The following RASA1 variants were observed in gnomAD, a reference collection of about 807,000 sequenced individuals.
RASA1 encodes ras GTPase-activating protein 1.
In RASA1, 25 loss-of-function variants were observed where a neutral mutation model predicts 132.2. The observed-to-expected ratio is 0.19, with a 90% CI of 0.14 to 0.26. RASA1 has a LOEUF of 0.26. Among genes scored for constraint, RASA1 ranks in the 10% least tolerant of loss-of-function variants. RASA1 has a pLI of 1.00. For missense variants in RASA1, 964 were observed against 1,299.2 expected (o/e 0.74, Z 3.97); for synonymous variants, 477 against 449.9 (o/e 1.06, Z -0.76).
intron 1 of RASA1, among the ~76,000 whole-genome samples, chr5:87,300,281 GTA>G (rs1279783624): frequency 3.5e-4 from 54 of 152,302 alleles, no homozygotes; most frequent in African/African-American, 1.3e-3. Context: ...GGAGGCTGGG[GTA>G]GGAAGTTCAC....
intron 1 of RASA1, among the ~76,000 whole-genome samples, chr5:87,324,209 C>T (rs1191429643): frequency 6.6e-6 from 1 of 152,126 alleles, no homozygotes; most frequent in East Asian, 1.9e-4. Context: ...ATTTAAAGAA[C>T]ACAGATACAA....
intron 1 of RASA1, among the ~76,000 whole-genome samples, chr5:87,271,541 T>C (rs1753839759): frequency 7.2e-6 from 1 of 138,296 alleles, no homozygotes; most frequent in South Asian, 2.6e-4. Flanking sequence ...TGTTTTCGGC[T>C]CACTGCAAGC....
intron 20 of RASA1, among the ~76,000 whole-genome samples, chr5:87,381,166 T>A (rs537608768): frequency 2.0e-5 from 3 of 152,320 alleles, no homozygotes; most frequent in Admixed American, 2.0e-4. Context: ...TTTGGGAGCT[T>A]ACGTAAGGTT....
At chr5:87,351,324 A>C (rs1759259412) in intron 8 of RASA1, among the ~76,000 whole-genome samples, 1 of 151,766 alleles carries the variant, frequency 6.6e-6, no homozygotes, top group Admixed American at 6.6e-5. Flanking sequence ...ATTAGTGCTC[A>C]GGTTTATTAG....
chr5:87,308,023 T>C (rs1445004862), intron 1 of RASA1, among the ~76,000 whole-genome samples: 1 of 152,196 alleles, frequency 6.6e-6, no homozygotes, highest in Non-Finnish European at 1.5e-5. Flanking sequence ...GCTTCTTATC[T>C]GTGTAGCTTC....
In RASA1 at chr5:87,290,997, T is replaced by C. The variant is rs1754889957; in HGVS notation, c.539+22007T>C. Among the ~76,000 whole-genome samples the C allele has an allele frequency of 2.0e-5, 3 of 152,192 alleles. No individual in the cohort carries two copies. In the South Asian group the frequency reaches 6.2e-4, roughly 31 times the overall value. ...CAAGAAGCCTGATTGCTGGATAGTATAGTAAAAGTATGTTTTGGAAGAAAC... is the reference window on the plus strand; with the variant it reads ...CAAGAAGCCTGATTGCTGGATAGTACAGTAAAAGTATGTTTTGGAAGAAAC... On this transcript the variant is annotated intron_variant, in intron 1 of 24. Coordinates refer to ENST00000274376, the MANE Select transcript of RASA1 (RefSeq NM_002890.3).
rs757154079 is a variant in RASA1 at position 87,362,641 on chromosome 5, A to G, written c.1423A>G (p.Ile475Val). The change falls in exon 10 of 25, where the codon ATT becomes GTT. Residue 475 changes from isoleucine (I) to valine (V), a missense_variant. Ile to Val is a conservative substitution (Grantham distance 29). This residue lies in a region of RASA1 where 346 missense variants were observed against 520.1 expected (regional missense o/e 0.67). Coordinates refer to ENST00000274376, the MANE Select transcript of RASA1 (RefSeq NM_002890.3). ...AACAAAGGATGCCTTTTATAAAAAC[A>G]TTGTTAAGAAAGGTTATCTTCTGAA... The part of the protein sequence containing the change: ...RKTKDAFYKN[I>V]VKKGYLLKKG... 11 of 1,603,468 alleles carry G rather than the reference A, an allele frequency of 6.9e-6. No individual in the cohort carries two copies. The highest frequency in any genetic ancestry group is 1.7e-4 in the Middle Eastern group (1 of 6,056).
At chr5:87,291,512 C>G (rs1754909188) in intron 1 of RASA1, among the ~76,000 whole-genome samples, 1 of 152,168 alleles carries the variant, frequency 6.6e-6, no homozygotes, top group African/African-American at 2.4e-5. Flanking sequence ...ACCTGGGCAA[C>G]AGGGTGAGAC....
At chr5:87,346,647 A>G (rs911365610) in intron 6 of RASA1, 25 bp from the exon 7 acceptor site, 5 of 1,442,296 alleles carry the variant, frequency 3.5e-6, no homozygotes, top group African/African-American at 1.4e-5. Flanking sequence ...CTTTATTTAT[A>G]TATCTAATTT....
At chr5:87,363,280 T>C in intron 10 of RASA1, 68 bp from the exon 11 acceptor site, 1 of 1,352,832 alleles carries the variant, frequency 7.4e-7, no homozygotes, top group Non-Finnish European at 1.0e-6. Context: ...TTAGAAACAC[T>C]AATTTTAATA....
intron 9 of RASA1, among the ~76,000 whole-genome samples, chr5:87,353,812 C>G (rs1204290283): frequency 6.6e-6 from 1 of 152,044 alleles, no homozygotes; most frequent in East Asian, 1.9e-4. Flanking sequence ...AAAGATTGGC[C>G]TTGAGCAAGA....
chr5:87,271,452 C>CTT (rs201918763), intron 1 of RASA1, among the ~76,000 whole-genome samples: 1,125 of 38,290 alleles, frequency 0.029, 97 homozygotes, highest in Middle Eastern at 0.05. Flanking sequence ...TAGTAGACTT[C>CTT]TTTTTTTTTT....
At chr5:87,382,477 A>G (rs1204582964) in intron 20 of RASA1, among the ~76,000 whole-genome samples, 1 of 152,218 alleles carries the variant, frequency 6.6e-6, no homozygotes, top group Non-Finnish European at 1.5e-5. Flanking sequence ...ATCAATCTGT[A>G]GAAGGAATTG....
At chr5:87,321,604 T>A (rs1355973940) in intron 1 of RASA1, among the ~76,000 whole-genome samples, 4 of 152,244 alleles carry the variant, frequency 2.6e-5, no homozygotes, top group African/African-American at 9.6e-5. Context: ...AGGATACAAG[T>A]AAACAGCCAT....
At chr5:87,389,573 C>T (rs1379918728) in intron 24 of RASA1, 46 bp downstream of exon 24, 1 of 1,603,428 alleles carries the variant, frequency 6.2e-7, no homozygotes, top group Admixed American at 1.7e-5. Flanking sequence ...TCAAAGATAA[C>T]ACTTAGAGAG....
At chr5:87,346,831 C>G in intron 7 of RASA1, 107 bp downstream of exon 7, 1 of 806,970 alleles carries the variant, frequency 1.2e-6, no homozygotes. Context: ...AGTGTTTATG[C>G]ATGTTATAAT....
chr5:87,296,716 T>A (rs1755136099), intron 1 of RASA1, among the ~76,000 whole-genome samples: 1 of 152,156 alleles, frequency 6.6e-6, no homozygotes, highest in African/African-American at 2.4e-5. Context: ...TCTTTCAAGA[T>A]TTTTTTCTTT....
At chr5:87,338,536 A>ATATATTTTTTTTTTTTTTTTTTT in intron 5 of RASA1, among the ~76,000 whole-genome samples, 1 of 85,220 alleles carries the variant, frequency 1.2e-5, no homozygotes, top group African/African-American at 4.4e-5. Flanking sequence ...TATATATAAA[A>ATATATTTTTTTTTTTTTTTTTTT]TTTTTTTTTT....
At chr5:87,363,896 T>TA (rs1432659528) in intron 11 of RASA1, among the ~76,000 whole-genome samples, 9 of 152,042 alleles carry the variant, frequency 5.9e-5, no homozygotes, top group Non-Finnish European at 1.5e-5. Context: ...AAGTTAATGT[T>TA]AAAAAATAAT....
Sources: allele counts gnomAD v4.1 joint callset (sites outside exome capture counted in the v4.1 genomes callset), GRCh38; gene constraint gnomAD v4.1.1; regional missense constraint gnomAD v4.1.1; transcripts MANE v1.5; gene names NCBI Gene and HGNC (gene_info 2026-07-23, HGNC 2026-07-21).